The following HGF variants were observed in gnomAD, a reference collection of about 807,000 sequenced individuals.
HGF encodes the protein hepatocyte growth factor.
In HGF, 39 loss-of-function variants were observed where a neutral mutation model predicts 111.6. The ratio of observed to expected loss-of-function variants is 0.35; its 90% confidence interval spans 0.27 to 0.46. The LOEUF is 0.46. Ranked by LOEUF, HGF falls within the 20% of genes least tolerant of loss-of-function variation. The pLI, the probability that HGF is intolerant of heterozygous loss-of-function variation, is 1.00. For synonymous variants in HGF, 285 were observed against 294.8 expected (o/e 0.97, Z 0.34); for missense variants, 735 against 910.5 (o/e 0.81, Z 2.48).
chr7:81,735,417 T>C (rs182530214), intron 7 of HGF, among the ~76,000 whole-genome samples: 43 of 152,244 alleles, frequency 2.8e-4, no homozygotes, highest in Middle Eastern at 6.8e-3. Flanking sequence ...GCATTGTTTT[T>C]TTCTGACACA....
rs1789989605 is a variant in HGF, at chr7:81,725,789, C to T, written c.1168+101G>A. The stretch of plus-strand genomic sequence containing the variant: ...GATTTTGTTTGCAAGCCAGCAAAAC[C>T]AGTGCAGCAAGAAGTAGATCTTATG... On this transcript the variant is annotated intron_variant, in intron 9 of 17. Transcript: ENST00000222390. The T allele has an allele frequency of 2.3e-6, 3 of 1,323,924 alleles. No homozygotes were observed. In the Admixed American group the frequency reaches 5.0e-5, roughly 22 times the overall value. The allele number at this position is 1,323,924 out of a possible 1,614,324, so 82.0% of individuals were successfully genotyped here.
At chr7:81,747,067 G>A (rs928318717) in intron 5 of HGF, among the ~76,000 whole-genome samples, 2 of 152,256 alleles carry the variant, frequency 1.3e-5, no homozygotes, top group South Asian at 2.1e-4. Context: ...GGCCAGGCAC[G>A]GTGGCTCACG....
chr7:81,728,781 A>T (rs1452379689), intron 8 of HGF, among the ~76,000 whole-genome samples: 2 of 152,192 alleles, frequency 1.3e-5, no homozygotes, highest in Non-Finnish European at 2.9e-5. Context: ...CTTCATTCAG[A>T]AATGTTAGGC....
chr7:81,737,372 A>C (rs1187719551), intron 7 of HGF, among the ~76,000 whole-genome samples: 2 of 152,024 alleles, frequency 1.3e-5, no homozygotes, highest in African/African-American at 4.8e-5. Flanking sequence ...GGTAAATACT[A>C]ATTAGTGTAC....
At chr7:81,744,632 T>A (rs1788154239) in intron 6 of HGF, among the ~76,000 whole-genome samples, 1 of 152,158 alleles carries the variant, frequency 6.6e-6, no homozygotes, top group African/African-American at 2.4e-5. Flanking sequence ...GGTCCTGTGG[T>A]TTGCTTTGGT....
At chr7:81,763,019 G>A (rs1789177118) in intron 1 of HGF, 147 bp from the exon 2 acceptor site, 6 of 618,662 alleles carry the variant, frequency 9.7e-6, no homozygotes, top group Non-Finnish European at 1.7e-5. Context: ...GCAGAGTGAG[G>A]TAGGGAATAG....
chr7:81,757,974 A>T (rs1788867277), intron 3 of HGF, among the ~76,000 whole-genome samples: 1 of 152,010 alleles, frequency 6.6e-6, no homozygotes, highest in African/African-American at 2.4e-5. Context: ...CTTCTACCAT[A>T]AATTTATTTT....
intron 13 of HGF, among the ~76,000 whole-genome samples, chr7:81,707,914 T>C (rs1226651492): frequency 6.6e-6 from 1 of 152,108 alleles, no homozygotes; most frequent in Non-Finnish European, 1.5e-5. Flanking sequence ...TTGTCCAGTA[T>C]AAGATCAGGA....
In HGF at chr7:81,760,411, T is replaced by C. The variant is rs151015237; in HGVS notation, c.255-1607A>G. Among the ~76,000 whole-genome samples the C allele has an allele frequency of 2.7e-4, 41 of 152,316 alleles. No individual in the cohort carries two copies. In the East Asian group the frequency reaches 7.3e-3, roughly 27 times the overall value. On this transcript the variant is annotated intron_variant, in intron 2 of 17. Transcript: ENST00000222390. ...ATCTCTAGGAAATCAATATTGTTGA[T>C]AACTTCTCAAGGAAAAACAATATTT...
At chr7:81,720,164 A>AT (rs879313133) in intron 10 of HGF, among the ~76,000 whole-genome samples, 34 of 152,046 alleles carry the variant, frequency 2.2e-4, no homozygotes, top group African/African-American at 5.6e-4. Context: ...AAATTTGTAG[A>AT]TTTTTTCAAC....
chr7:81,707,176 T>C (rs1789450288), intron 14 of HGF, 114 bp downstream of exon 14: 5 of 685,604 alleles, frequency 7.3e-6, no homozygotes, highest in Non-Finnish European at 1.3e-5. Context: ...AATAATTTGT[T>C]CACCCCATTT....
intron 10 of HGF, among the ~76,000 whole-genome samples, chr7:81,719,237 C>T (rs1789791762): frequency 6.6e-6 from 1 of 152,192 alleles, no homozygotes; most frequent in Admixed American, 6.5e-5. Context: ...GCTAATTTCC[C>T]TTCCTTTAAG....
chr7:81,752,322 AT>A (rs1364460763), intron 4 of HGF, 60 bp from the exon 5 acceptor site: 16 of 1,397,742 alleles, frequency 1.1e-5, no homozygotes, highest in Non-Finnish European at 1.6e-5. Context: ...TTGCCTATTA[AT>A]TTTACTAATT....
chr7:81,711,443 G>C (rs763164743), intron 12 of HGF, 38 bp downstream of exon 12: 4 of 1,216,504 alleles, frequency 3.3e-6, no homozygotes, highest in Non-Finnish European at 3.5e-6. Context: ...CACAGAGAGA[G>C]ACTCAGAATA....
intron 1 of HGF, among the ~76,000 whole-genome samples, chr7:81,765,891 G>A (rs1789333280): frequency 6.6e-6 from 1 of 152,098 alleles, no homozygotes; most frequent in Non-Finnish European, 1.5e-5. Context: ...ACTATTTTTT[G>A]TGCGTGACTG....
At chr7:81,766,066 T>G (rs1789341875) in intron 1 of HGF, among the ~76,000 whole-genome samples, 1 of 152,220 alleles carries the variant, frequency 6.6e-6, no homozygotes, top group Non-Finnish European at 1.5e-5. Flanking sequence ...CTGAAGTCCC[T>G]GTTTTAGAGC....
In HGF at chr7:81,720,731, A is replaced by G. The variant is rs1435814868; in HGVS notation, c.1271+14T>C. 1 of 1,474,750 alleles carries G rather than the reference A, an allele frequency of 6.8e-7. No individual in the cohort carries two copies. Among genetic ancestry groups the G allele is most frequent in the African/African-American group, 1.4e-5 (1 of 72,058 alleles). 91.4% of individuals were successfully genotyped at this position (1,474,750 alleles called of 1,614,324 possible). A position where few individuals can be genotyped will look rare whatever the true frequency, so the allele number is the denominator to read the frequency against. On this transcript the variant is annotated intron_variant, in intron 10 of 17. Coordinates refer to ENST00000222390, the MANE Select transcript of HGF (RefSeq NM_000601.6). The stretch of plus-strand genomic sequence containing the variant: ...CACTACATTCTATATATTGAAAGGA[A>G]GAAATTTACACACCGATGTAAGTCT...
chr7:81,752,943 T>C (rs1408839648), intron 4 of HGF, among the ~76,000 whole-genome samples: 5 of 152,090 alleles, frequency 3.3e-5, no homozygotes, highest in Non-Finnish European at 7.4e-5. Context: ...AATAGAGTAA[T>C]TGACACTTAA....
chr7:81,764,773 T>C (rs1324295586), intron 1 of HGF, among the ~76,000 whole-genome samples: 1 of 152,144 alleles, frequency 6.6e-6, no homozygotes, highest in South Asian at 2.1e-4. Flanking sequence ...AAAGAAGGCA[T>C]AATTCATTTC....
Sources: gnomAD v4.1 joint callset for allele counts (sites outside exome capture counted in the v4.1 genomes callset) on GRCh38, gnomAD v4.1.1 for gene constraint, MANE v1.5 for transcripts, NCBI Gene and HGNC (gene_info 2026-07-23, HGNC 2026-07-21) for gene names.